The following FSTL4 variants were observed in gnomAD, a reference collection of about 807,000 sequenced individuals.
FSTL4 encodes follistatin like 4, also known as follistatin-related protein 4.
FSTL4 carries 28 observed loss-of-function variants against 78.2 expected under a neutral mutation model. The ratio of observed to expected loss-of-function variants is 0.36; its 90% CI spans 0.27 to 0.49. The LOEUF (loss-of-function observed/expected upper bound fraction) is 0.49. Among genes scored for constraint, FSTL4 ranks in the 20% least tolerant of loss-of-function variants. The pLI, the probability that FSTL4 is intolerant of heterozygous loss-of-function variation, is 0.98. For synonymous variants in FSTL4, 422 were observed against 440.5 expected, an observed-to-expected ratio of 0.96 and a Z score of 0.53; for missense variants, 922 against 1,084.9, an observed-to-expected ratio of 0.85 and a Z score of 2.11.
At chr5:133,743,878 T>G in the FSTL4 span, among the ~76,000 whole-genome samples, 1 of 152,204 alleles carries the variant, frequency 6.6e-6, no homozygotes, top group Non-Finnish European at 1.5e-5. Context: ...GGTTCAGGAA[T>G]AGTCAGGTGA....
intron 4 of FSTL4, among the ~76,000 whole-genome samples, chr5:133,378,264 T>G (rs1755488083): frequency 6.6e-6 from 1 of 152,222 alleles, no homozygotes; most frequent in African/African-American, 2.4e-5. Context: ...TATTCTCCTT[T>G]CTTGTTAGCT....
At chr5:133,521,546 T>C (rs965267410) in intron 3 of FSTL4, among the ~76,000 whole-genome samples, 1 of 152,144 alleles carries the variant, frequency 6.6e-6, no homozygotes, top group Admixed American at 6.5e-5. Flanking sequence ...TAGTTGGCTC[T>C]CAGAAATCTT....
At chr5:133,558,876 A>T (rs1759855208) in intron 3 of FSTL4, among the ~76,000 whole-genome samples, 1 of 152,154 alleles carries the variant, frequency 6.6e-6, no homozygotes, top group South Asian at 2.1e-4. Flanking sequence ...ATGCAGAGTG[A>T]GTGAGGCCAA....
At chr5:133,342,964 C>T (rs1580634237) in intron 4 of FSTL4, among the ~76,000 whole-genome samples, 1 of 152,264 alleles carries the variant, frequency 6.6e-6, no homozygotes, top group East Asian at 1.9e-4. Flanking sequence ...AGCTGCTTCT[C>T]ACCATCTCTA....
intron 7 of FSTL4, among the ~76,000 whole-genome samples, chr5:133,245,559 G>A (rs904766326): frequency 2.0e-5 from 3 of 152,192 alleles, no homozygotes; most frequent in Non-Finnish European, 4.4e-5. Context: ...AGTCAGAAGG[G>A]CTCCTTTCTC....
intron 4 of FSTL4, among the ~76,000 whole-genome samples, chr5:133,346,370 TG>T (rs988811030): frequency 6.6e-6 from 1 of 152,078 alleles, no homozygotes; most frequent in African/African-American, 2.4e-5. Context: ...GTAACAAACC[TG>T]CACGTTCTGC....
chr5:133,686,247 CT>C, the FSTL4 span, among the ~76,000 whole-genome samples: 11 of 152,234 alleles, frequency 7.2e-5, no homozygotes, highest in Non-Finnish European at 1.6e-4. Context: ...CTCTGTTCCT[CT>C]ACTCACTAGC....
At position 133,452,645 on chromosome 5, in the gene FSTL4, T is replaced by C. The variant is rs553513671; in HGVS notation, c.161-51659A>G. 2.0e-4 allele frequency among the ~76,000 whole-genome samples: 30 copies of C among 152,248 alleles called. No individual in the cohort carries two copies. The East Asian group carries it at 2.7e-3, about 14-fold the overall frequency. ...AAATGTACTGTGTAGATGAAGAAAT[T>C]GAGGCTCAAAGAGGTTAAGCAATCA... On this transcript the variant is annotated intron_variant, in intron 3 of 15. Coordinates refer to ENST00000265342, the MANE Select transcript of FSTL4 (RefSeq NM_015082.2).
chr5:133,462,274 A>G (rs1429346877), intron 3 of FSTL4, among the ~76,000 whole-genome samples: 2 of 152,244 alleles, frequency 1.3e-5, no homozygotes, highest in Non-Finnish European at 2.9e-5. Flanking sequence ...CTTGGCACTC[A>G]TAGCCCTTGA....
chr5:133,377,917 C>G (rs1256101537), intron 4 of FSTL4, among the ~76,000 whole-genome samples: 1 of 151,240 alleles, frequency 6.6e-6, no homozygotes, highest in Non-Finnish European at 1.5e-5. Context: ...TACTCGTGTA[C>G]AAAGGAACTT....
At chr5:133,337,127 C>T (rs1280930126) in intron 4 of FSTL4, among the ~76,000 whole-genome samples, 2 of 152,248 alleles carry the variant, frequency 1.3e-5, no homozygotes, top group African/African-American at 2.4e-5. Flanking sequence ...TCGTCCTCTC[C>T]GGTAAGGCCC....
chr5:133,797,237 C>T, the FSTL4 span, among the ~76,000 whole-genome samples: 1 of 152,272 alleles, frequency 6.6e-6, no homozygotes, highest in South Asian at 2.1e-4. Context: ...CATTGATTGG[C>T]CTGAAAAGGC....
intron 3 of FSTL4, among the ~76,000 whole-genome samples, chr5:133,528,289 T>C (rs1471753571): frequency 6.6e-6 from 1 of 152,248 alleles, no homozygotes; most frequent in Non-Finnish European, 1.5e-5. Flanking sequence ...TCTTGGCTTC[T>C]TCTCCTCCAT....
the FSTL4 span, among the ~76,000 whole-genome samples, chr5:133,740,074 G>A: frequency 2.0e-5 from 3 of 152,012 alleles, no homozygotes; most frequent in Non-Finnish European, 4.4e-5. Flanking sequence ...GTAGAGACAG[G>A]GTTTTGCCAT....
chr5:133,318,676 G>C (rs1753968901), intron 4 of FSTL4, among the ~76,000 whole-genome samples: 1 of 152,240 alleles, frequency 6.6e-6, no homozygotes, highest in East Asian at 1.9e-4. Flanking sequence ...GTCAGGAAGA[G>C]GCTGTACTCA....
At chr5:133,801,014 G>A in the FSTL4 span, among the ~76,000 whole-genome samples, 5 of 152,172 alleles carry the variant, frequency 3.3e-5, no homozygotes, top group South Asian at 2.1e-4. Flanking sequence ...GGGGGTCCTC[G>A]AAGTACACAT....
the FSTL4 span, among the ~76,000 whole-genome samples, chr5:133,694,772 A>C: frequency 6.6e-6 from 1 of 152,186 alleles, no homozygotes; most frequent in African/African-American, 2.4e-5. Context: ...GTGTCAGTAA[A>C]TCTGGTGTCT....
At chr5:133,625,053 A>G in the FSTL4 span, among the ~76,000 whole-genome samples, 1 of 151,602 alleles carries the variant, frequency 6.6e-6, no homozygotes, top group Non-Finnish European at 1.5e-5. Flanking sequence ...GTTTGTGTCT[A>G]TATTCATGAG....
the FSTL4 span, among the ~76,000 whole-genome samples, chr5:133,831,576 A>G: frequency 2.0e-5 from 3 of 152,166 alleles, no homozygotes; most frequent in African/African-American, 7.2e-5. Context: ...TGAAGATAAT[A>G]TTGTTGCTAA....
Sources: allele counts gnomAD v4.1 joint callset (sites outside exome capture counted in the v4.1 genomes callset), GRCh38; gene constraint gnomAD v4.1.1; transcripts MANE v1.5; gene names NCBI Gene and HGNC (gene_info 2026-07-23, HGNC 2026-07-21).